TBRG4: variants seen among roughly 807,000 people sequenced by gnomAD.
The protein encoded by TBRG4 is FAST kinase domain-containing protein 4.
In TBRG4, 43 loss-of-function variants were observed where a neutral mutation model predicts 65.6. That is an observed-to-expected ratio of 0.66 (90% CI 0.51 to 0.85). The LOEUF (loss-of-function observed/expected upper bound fraction) is 0.85. Among genes scored for constraint, TBRG4 ranks in the 40% least tolerant of loss-of-function variants. TBRG4 has a pLI of 0.00. For missense variants in TBRG4, 709 were observed against 787.9 expected (o/e 0.90, Z 1.20); for synonymous variants, 366 against 341.4 (o/e 1.07, Z -0.79).
intron 2 of TBRG4, chr7:45,106,030 G>A (rs1784942582): frequency 2.9e-6 from 2 of 684,220 alleles, no homozygotes; most frequent in Non-Finnish European, 5.4e-6. Flanking sequence ...GTGAGTCACT[G>A]TTTCTGTGGC....
rs767559176 is a variant in TBRG4 at position 45,104,467 on chromosome 7, A to G, written c.907+71T>C. 2.5e-6 allele frequency: 4 copies of G among 1,611,648 alleles called. No individual in the cohort carries two copies. In the South Asian group the frequency reaches 4.4e-5, roughly 18 times the overall value. On this transcript the variant is annotated intron_variant, in intron 4 of 10. Coordinates refer to ENST00000258770, the MANE Select transcript of TBRG4 (RefSeq NM_004749.4). ...CTACCATGCATAGGACAGGTACTGA[A>G]TTTGACACGGCTGCAGGCATCTGCA...
intron 1 of TBRG4, 111 bp downstream of exon 1, chr7:45,111,532 C>T: frequency 8.2e-7 from 1 of 1,222,686 alleles, no homozygotes; most frequent in Non-Finnish European, 1.1e-6. Context: ...CCCACCGCGT[C>T]CCAGCCTGCT....
chr7:45,100,532 C>T, intron 10 of TBRG4, 106 bp from the exon 11 acceptor site: 9 of 832,504 alleles, frequency 1.1e-5, no homozygotes, highest in African/African-American at 1.7e-5. Flanking sequence ...CACCCAACAC[C>T]TCTGCTGACC....
chr7:45,111,259 A>G (rs1785115789), intron 1 of TBRG4: 1 of 153,734 alleles, frequency 6.5e-6, no homozygotes, highest in Non-Finnish European at 1.5e-5. Flanking sequence ...CGCCTTTCCA[A>G]TTTTTTAAGA....
At position 45,101,882 on chromosome 7, in the gene TBRG4, G is replaced by A. The variant is rs774897162; in HGVS notation, c.1510C>T (p.Leu504=). The A allele has an allele frequency of 2.5e-6, 4 of 1,611,088 alleles. No homozygotes were observed. In the Admixed American group the frequency reaches 6.7e-5, roughly 27 times the overall value. Residue 504 remains leucine (L), a synonymous_variant, in exon 8 of 11, where the codon CTG becomes TTG. Coordinates refer to ENST00000258770, the MANE Select transcript of TBRG4 (RefSeq NM_004749.4). ...KELQETLKGL[L]GSADKGSLEV... is the part of the protein sequence containing the mutation. ...AGGCTGCCCTTGTCGGCGCTCCCCAGCAGCCCCTTCAGCGTCTCCTGCAGC... is the reference window on the plus strand; with the variant it reads ...AGGCTGCCCTTGTCGGCGCTCCCCAACAGCCCCTTCAGCGTCTCCTGCAGC...
chr7:45,109,404 A>G, intron 1 of TBRG4, 117 bp from the exon 2 acceptor site: 2 of 878,542 alleles, frequency 2.3e-6, no homozygotes, highest in South Asian at 2.3e-5. Flanking sequence ...GTCTTTCTTG[A>G]CAATCCATAG....
At position 45,105,508 on chromosome 7, in the gene TBRG4, G is replaced by A. The variant is rs775330210; in HGVS notation, c.668C>T (p.Thr223Ile). 66 of 1,614,070 alleles carry A rather than the reference G, an allele frequency of 4.1e-5. No individual in the cohort carries two copies. The highest frequency in any genetic ancestry group is 4.9e-5 in the Non-Finnish European group (58 of 1,180,038). The part of the protein sequence containing the change: ...RRWTEIEDSH[T>I]LVTVMMKVGH... ...CACCTTCATCATGACGGTCACTAAT[G>A]TGTGGGAATCTTCAATTTCTGTCCA... Residue 223 changes from threonine (T) to isoleucine (I), a missense_variant, in exon 3 of 11, where the codon ACA (threonine) becomes ATA (isoleucine). Physicochemically the swap from Thr to Ile is moderately conservative, Grantham distance 89. Transcript: ENST00000258770.
At chr7:45,102,632 A>G in intron 6 of TBRG4, 141 bp from the exon 7 acceptor site, 1 of 1,195,744 alleles carries the variant, frequency 8.4e-7, no homozygotes, top group Admixed American at 2.6e-5. Context: ...AAGAGGCAGA[A>G]CCCTGGCCCT....
intron 1 of TBRG4, 191 bp downstream of exon 1, chr7:45,111,452 G>T: frequency 1.9e-6 from 1 of 532,832 alleles, no homozygotes; most frequent in Non-Finnish European, 2.8e-6. Context: ...GCCTGGCCGC[G>T]CGGGCTAGAG....
Position 45,100,305 on chromosome 7 carries a change from G to A in TBRG4, c.*20C>T, listed in dbSNP as rs751932791. ...TAGACCTCCGGCGGAGAGGCACGCA[G>A]TCCATGCTGCTGGCACAAGTCACTT... On this transcript the variant is annotated 3_prime_UTR_variant, in exon 11 of 11. Coordinates refer to ENST00000258770, the MANE Select transcript of TBRG4 (RefSeq NM_004749.4). 1.2e-6 allele frequency: 2 copies of A among 1,610,304 alleles called. No homozygotes were observed. The highest frequency in any genetic ancestry group is 8.5e-7 in the Non-Finnish European group (1 of 1,177,082).
intron 1 of TBRG4, among the ~76,000 whole-genome samples, chr7:45,110,437 C>A (rs892633792): frequency 6.6e-6 from 1 of 152,050 alleles, no homozygotes; most frequent in African/African-American, 2.4e-5. Context: ...GAGGCTGAGG[C>A]GGGCAGATCA....
rs755900857 is a variant in TBRG4, at chr7:45,105,455, G to C, written c.721C>G (p.Arg241Gly). ...AGGCCCAGTACCTTGTCTTCCAGGC[G>C]GTTCATTAGTGGCTCCGAGAGGTGT... is the stretch of plus-strand genomic sequence containing the variant. ...VGHLSEPLMN[R>G]LEDKCLELVE... Residue 241 changes from arginine to glycine, a missense_variant, in exon 3 of 11, where the codon CGC becomes GGC. Arg to Gly is a moderately radical substitution (Grantham distance 125). Coordinates refer to ENST00000258770, the MANE Select transcript of TBRG4 (RefSeq NM_004749.4). 1 of 1,603,024 alleles carries C rather than the reference G, an allele frequency of 6.2e-7. No homozygotes were observed.
At chr7:45,103,533 G>C (rs900441741) in intron 5 of TBRG4, 90 bp from the exon 6 acceptor site, 3 of 1,040,516 alleles carry the variant, frequency 2.9e-6, no homozygotes, top group East Asian at 2.6e-5. Context: ...AGGAGAGCCT[G>C]CATGGCCAGG....
In TBRG4 at chr7:45,105,654, C is replaced by A. The variant is rs142114870; in HGVS notation, c.522G>T (p.Trp174Cys). The change falls in exon 3 of 11, where the codon TGG (tryptophan) becomes TGT (cysteine). Residue 174 changes from tryptophan to cysteine, a missense_variant. By Grantham distance (215) the Trp-to-Cys change is radical (BLOSUM62 -2). Coordinates refer to ENST00000258770, the MANE Select transcript of TBRG4 (RefSeq NM_004749.4). ...GCTTGTACTTGAGCTTCCGCATGCGCCAGCGGACCTCCTGCTCCACCGACT... is the reference window on the plus strand; with the variant it reads ...GCTTGTACTTGAGCTTCCGCATGCGACAGCGGACCTCCTGCTCCACCGACT... The part of the protein sequence containing the change: ...ELQSVEQEVR[W>C]RMRKLKYKHL... The A allele has an allele frequency of 3.1e-6, 5 of 1,613,952 alleles. No individual in the cohort carries two copies. In the African/African-American group the frequency reaches 6.7e-5, roughly 22 times the overall value.
At chr7:45,104,987 C>T (rs781262775) in intron 3 of TBRG4, 1 of 750,782 alleles carries the variant, frequency 1.3e-6, no homozygotes, top group East Asian at 2.5e-5. Flanking sequence ...CTGTGGCAGC[C>T]ATCTGGGCCA....
chr7:45,109,312 G>A, intron 1 of TBRG4, 25 bp from the exon 2 acceptor site: 2 of 1,498,774 alleles, frequency 1.3e-6, no homozygotes, highest in Non-Finnish European at 8.9e-7. Flanking sequence ...GAGAGAGAAG[G>A]GGCTACTACA....
In TBRG4 at chr7:45,103,395, C is replaced by A. The variant is rs770909918; in HGVS notation, c.1114G>T (p.Val372Leu). Residue 372 changes from valine to leucine, a missense_variant, in exon 6 of 11, where the codon GTA becomes TTA. Coordinates refer to ENST00000258770, the MANE Select transcript of TBRG4 (RefSeq NM_004749.4). ...TTCAGACGCGCAAAAGCCAGAAGTA[C>A]GCTGCACAGGTGGGGCAGGGTGATG... ...QDITLPHLCSVLLAFARLNFH... is the reference protein window; with the variant it reads ...QDITLPHLCSLLLAFARLNFH... 4 of 1,613,926 alleles carry A rather than the reference C, an allele frequency of 2.5e-6. No individual in the cohort carries two copies. Among genetic ancestry groups the A allele is most frequent in the Middle Eastern group, 3.3e-4 (2 of 6,084 alleles).
Position 45,100,355 on chromosome 7 carries a change from G to T in TBRG4, c.1866C>A (p.Arg622=). Residue 622 remains arginine (R), a synonymous_variant, in exon 11 of 11, where the codon CGC becomes CGA. Coordinates refer to ENST00000258770, the MANE Select transcript of TBRG4 (RefSeq NM_004749.4). ...TGGCCAGCTCCTCAGCCACCGCTTTGCGCATCTTGTCCTTGAGGTAGGCGC... is the reference window on the plus strand; with the variant it reads ...TGGCCAGCTCCTCAGCCACCGCTTTTCGCATCTTGTCCTTGAGGTAGGCGC... ...QKGAYLKDKM[R]KAVAEELAK The T allele has an allele frequency of 6.2e-7, 1 of 1,614,178 alleles. No individual in the cohort carries two copies. The highest frequency in any genetic ancestry group is 8.5e-7 in the Non-Finnish European group (1 of 1,180,036).
At chr7:45,107,377 T>G (rs1344014329) in intron 2 of TBRG4, 1 of 152,268 alleles carries the variant, frequency 6.6e-6, no homozygotes, top group African/African-American at 2.4e-5. Context: ...ATTCAGGTAC[T>G]GTGTCCACAG....
Sources: allele counts gnomAD v4.1 joint callset (sites outside exome capture counted in the v4.1 genomes callset), GRCh38; gene constraint gnomAD v4.1.1; transcripts MANE v1.5; gene names NCBI Gene and HGNC (gene_info 2026-07-23, HGNC 2026-07-21).